FRMPD4: variants seen among roughly 807,000 people sequenced by gnomAD.
The protein encoded by FRMPD4 is FERM and PDZ domain containing 4.
In FRMPD4, 22 loss-of-function variants were observed where a neutral mutation model predicts 94.1. That is an observed-to-expected ratio of 0.23 (90% CI 0.17 to 0.33). The LOEUF (loss-of-function observed/expected upper bound fraction) is 0.33. Among genes scored for constraint, FRMPD4 ranks in the 10% least tolerant of loss-of-function variants. The pLI, the probability that FRMPD4 is intolerant of heterozygous loss-of-function variation, is 1.00. For missense variants in FRMPD4, 1,111 were observed against 1,339.9 expected (o/e 0.83, Z 2.67); for synonymous variants, 631 against 548.6 (o/e 1.15, Z -2.10).
chrX:11,872,377 A>G (rs2053760424), intron 2 of FRMPD4, among the ~76,000 whole-genome samples: 1 of 112,365 alleles, frequency 8.9e-6, no homozygotes, highest in African/African-American at 3.2e-5. Flanking sequence ...CAATTTCAGA[A>G]GACTAATCAA....
intron 2 of FRMPD4, among the ~76,000 whole-genome samples, chrX:12,560,924 T>C (rs951617560): frequency 3.1e-5 from 3 of 98,299 alleles, no homozygotes; most frequent in Non-Finnish European, 6.2e-5. Flanking sequence ...CGCCCGCCAC[T>C]ACGCCCGGCT....
intron 2 of FRMPD4, among the ~76,000 whole-genome samples, chrX:12,549,156 C>T (rs968958182): frequency 4.5e-5 from 5 of 111,990 alleles, no homozygotes; most frequent in Non-Finnish European, 9.4e-5. Context: ...CATAAGATTT[C>T]CCTGATTATT....
At chrX:12,315,052 C>T (rs5933985) in intron 1 of FRMPD4, among the ~76,000 whole-genome samples, 31,875 of 110,825 alleles carry the variant, frequency 0.29, 4,693 homozygotes, top group African/African-American at 0.57. Flanking sequence ...CAGCAATTTC[C>T]GTAGCTACCA....
intron 2 of FRMPD4, among the ~76,000 whole-genome samples, chrX:12,504,175 T>C (rs758172571): frequency 8.9e-6 from 1 of 112,688 alleles, no homozygotes; most frequent in Non-Finnish European, 1.9e-5. Context: ...TTAACAGTTG[T>C]GCCCATGAAG....
intron 3 of FRMPD4, among the ~76,000 whole-genome samples, chrX:11,935,412 C>T (rs376215288): frequency 8.7e-3 from 153 of 17,566 alleles, no homozygotes; most frequent in African/African-American, 0.023. Context: ...TTAGGTATAT[C>T]TCCCAATGCT....
At chrX:11,928,167 G>A (rs897635087) in intron 3 of FRMPD4, among the ~76,000 whole-genome samples, 4 of 112,308 alleles carry the variant, frequency 3.6e-5, no homozygotes, top group African/African-American at 1.3e-4. Flanking sequence ...CATCACTGAT[G>A]ATTAGAGAAA....
At chrX:12,480,158 G>A (rs1390204608) in intron 1 of FRMPD4, among the ~76,000 whole-genome samples, 4 of 110,147 alleles carry the variant, frequency 3.6e-5, no homozygotes, top group African/African-American at 3.3e-5. Flanking sequence ...TATATAAACA[G>A]AGATTGGATC....
Position 12,674,923 on chromosome X carries a change from A to G in FRMPD4, c.468+15A>G. Reference sequence around the variant, plus strand: ...AGCCTTACCCTGTAAGTGTTCTGTGAATAAAAGTGCCACTTAATGTTCTCA... The same window carrying G: ...AGCCTTACCCTGTAAGTGTTCTGTGGATAAAAGTGCCACTTAATGTTCTCA... On this transcript the variant is annotated intron_variant, in intron 5 of 16. Coordinates refer to ENST00000675598, the MANE Select transcript of FRMPD4 (RefSeq NM_001368397.1). 10 of 1,064,568 alleles carry G rather than the reference A, an allele frequency of 9.4e-6. No homozygotes were observed. The highest frequency in any genetic ancestry group is 1.3e-5 in the Non-Finnish European group (10 of 760,944). 87.7% of individuals were successfully genotyped at this position (1,064,568 alleles called of 1,213,427 possible).
Position 12,148,046 on chromosome X carries a change from C to T in FRMPD4, c.41+9034C>T, listed in dbSNP as rs1001240947. 8.9e-5 allele frequency among the ~76,000 whole-genome samples: 10 copies of T among 111,913 alleles called. No homozygotes were observed. The East Asian group carries it at 2.8e-3, about 31-fold the overall frequency. On this transcript the variant is annotated intron_variant, in intron 1 of 16. Coordinates refer to ENST00000675598, the MANE Select transcript of FRMPD4 (RefSeq NM_001368397.1). Reference sequence around the variant, plus strand: ...GGCTCCCCTGTTCCTTGAGACATAACAATATTGAAATCAGGCCAATTAATA... The same window carrying T: ...GGCTCCCCTGTTCCTTGAGACATAATAATATTGAAATCAGGCCAATTAATA...
chrX:12,660,708 G>A (rs1187601646), intron 4 of FRMPD4, among the ~76,000 whole-genome samples: 1 of 112,339 alleles, frequency 8.9e-6, no homozygotes, highest in Non-Finnish European at 1.9e-5. Context: ...ATGGCTTAAT[G>A]TAATAATTAA....
At chrX:12,523,847 T>TG (rs1254181675) in intron 2 of FRMPD4, among the ~76,000 whole-genome samples, 4 of 97,777 alleles carry the variant, frequency 4.1e-5, no homozygotes, top group African/African-American at 8.9e-5. Context: ...ACAGAATAAT[T>TG]GGGAAAAAAA....
intron 3 of FRMPD4, among the ~76,000 whole-genome samples, chrX:12,022,708 T>G (rs1420967418): frequency 9.0e-6 from 1 of 111,187 alleles, no homozygotes; most frequent in Admixed American, 9.5e-5. Flanking sequence ...TGAAGCAGAG[T>G]TGGGAACCAA....
intron 3 of FRMPD4, among the ~76,000 whole-genome samples, chrX:12,614,439 G>A (rs1032129122): frequency 1.4e-4 from 15 of 110,501 alleles, no homozygotes; most frequent in African/African-American, 4.9e-4. Flanking sequence ...GCACCTGGGA[G>A]CTTGTGAGAA....
intron 3 of FRMPD4, among the ~76,000 whole-genome samples, chrX:11,900,112 CAT>C (rs1175362272): frequency 9.0e-6 from 1 of 111,475 alleles, no homozygotes; most frequent in Non-Finnish European, 1.9e-5. Flanking sequence ...TCTTATTTAA[CAT>C]GTGGTAACAG....
chrX:12,253,306 T>C (rs192446458), intron 1 of FRMPD4, among the ~76,000 whole-genome samples: 1 of 112,375 alleles, frequency 8.9e-6, no homozygotes, highest in East Asian at 2.8e-4. Context: ...TTTCCACTTA[T>C]CAAAGATGTT....
At chrX:12,403,458 T>C (rs2056631127) in intron 1 of FRMPD4, among the ~76,000 whole-genome samples, 1 of 110,857 alleles carries the variant, frequency 9.0e-6, no homozygotes, top group Non-Finnish European at 1.9e-5. Flanking sequence ...TCTACTCCAC[T>C]AACTCCATCC....
At chrX:12,648,623 T>C (rs1279735677) in intron 4 of FRMPD4, among the ~76,000 whole-genome samples, 1 of 112,493 alleles carries the variant, frequency 8.9e-6, no homozygotes. Flanking sequence ...GATAGTTACC[T>C]GTCAACGTTA....
intron 1 of FRMPD4, among the ~76,000 whole-genome samples, chrX:11,847,814 T>G (rs1212179802): frequency 1.1e-5 from 1 of 91,836 alleles, no homozygotes; most frequent in Non-Finnish European, 2.1e-5. Flanking sequence ...TTCTCACTCA[T>G]AGGTGGAAAT....
At chrX:12,416,629 G>C (rs771405946) in intron 1 of FRMPD4, among the ~76,000 whole-genome samples, 1 of 112,273 alleles carries the variant, frequency 8.9e-6, no homozygotes, top group Admixed American at 9.4e-5. Context: ...CAGGAGTCGT[G>C]TGGTCGAAGG....
Sources: allele counts gnomAD v4.1 joint callset (sites outside exome capture counted in the v4.1 genomes callset), GRCh38; gene constraint gnomAD v4.1.1; transcripts MANE v1.5; gene names NCBI Gene and HGNC (gene_info 2026-07-23, HGNC 2026-07-21).